The following PRKAR1A variants were observed in gnomAD, a reference collection of about 807,000 sequenced individuals.
The protein encoded by PRKAR1A is protein kinase cAMP-dependent type I regulatory subunit alpha, also known as cAMP-dependent protein kinase type I-alpha regulatory subunit.
A neutral mutation model predicts 52.0 loss-of-function variants in PRKAR1A; 3 were observed. The ratio of observed to expected loss-of-function variants is 0.06; its 90% CI spans 0.03 to 0.15. PRKAR1A has a LOEUF of 0.15. Among genes scored for constraint, PRKAR1A ranks in the 10% least tolerant of loss-of-function variants. The pLI is 1.00. For synonymous variants in PRKAR1A, 188 were observed against 168.4 expected (o/e 1.12, Z -0.90); for missense variants, 240 against 477.4 (o/e 0.50, Z 4.63).
chr17:68,504,657 T>C, the PRKAR1A span, among the ~76,000 whole-genome samples: 1 of 151,902 alleles, frequency 6.6e-6, no homozygotes, highest in Admixed American at 6.6e-5. Context: ...CTGATGGAGA[T>C]AGAGAGCAGA....
At chr17:68,450,994 A>G in the PRKAR1A span, 2 of 1,477,746 alleles carry the variant, frequency 1.4e-6, no homozygotes, top group Non-Finnish European at 1.8e-6. Context: ...CCAGGTTCCA[A>G]AGGTTCTCCG....
Position 68,523,718 on chromosome 17 carries a change from T to TG in PRKAR1A, c.349-7_349-6insG. The stretch of plus-strand genomic sequence containing the variant: ...GAATTGTCATTTGACCTTCAGTTCT[T>TG]TTCTAGGTTATACCAAAAGATTACA... On this transcript the variant is annotated splice_region_variant and splice_polypyrimidine_tract_variant and intron_variant, in intron 3 of 10. Transcript: ENST00000589228. 1 of 1,610,700 alleles carries TG rather than the reference T, an allele frequency of 6.2e-7. No homozygotes were observed. Among genetic ancestry groups the TG allele is most frequent in the Non-Finnish European group, 8.5e-7 (1 of 1,177,706 alleles).
At chr17:68,429,079 C>T in the PRKAR1A span, 1 of 627,562 alleles carries the variant, frequency 1.6e-6, no homozygotes, top group Non-Finnish European at 2.8e-6. Flanking sequence ...GTCTGGGCTT[C>T]TGGCTATTCC....
At chr17:68,496,138 GT>G in the PRKAR1A span, among the ~76,000 whole-genome samples, 1 of 137,414 alleles carries the variant, frequency 7.3e-6, no homozygotes, top group African/African-American at 2.8e-5. Context: ...GCCTCCCGGG[GT>G]CAAGCAATTC....
the PRKAR1A span, among the ~76,000 whole-genome samples, chr17:68,482,758 C>A: frequency 6.6e-6 from 1 of 152,188 alleles, no homozygotes; most frequent in African/African-American, 2.4e-5. Flanking sequence ...TAAGGTCAAT[C>A]GGTGGACAAA....
At chr17:68,486,497 C>CTTT in the PRKAR1A span, among the ~76,000 whole-genome samples, 6 of 42,526 alleles carry the variant, frequency 1.4e-4, no homozygotes, top group East Asian at 8.3e-4. Flanking sequence ...TTCCTTCCTT[C>CTTT]CTTCCTTCCT....
chr17:68,488,130 G>A, the PRKAR1A span, among the ~76,000 whole-genome samples: 1 of 152,088 alleles, frequency 6.6e-6, no homozygotes, highest in Non-Finnish European at 1.5e-5. Context: ...ACCCAAGGAA[G>A]TGGGGCAGTG....
chr17:68,534,304 T>C (rs75581067), downstream of PRKAR1A, among the ~76,000 whole-genome samples: 1 of 152,182 alleles, frequency 6.6e-6, no homozygotes, highest in Non-Finnish European at 1.5e-5. Context: ...GATGGTGGGC[T>C]TTTTTTAATC....
At chr17:68,541,209 G>A in intron 11 of PRKAR1A, 1 of 492,422 alleles carries the variant, frequency 2.0e-6, no homozygotes, top group South Asian at 2.0e-5. Context: ...GTGCCAGAGG[G>A]GAGAGGCCGG....
the PRKAR1A span, among the ~76,000 whole-genome samples, chr17:68,478,728 GTTTTGT>G: frequency 1.1e-5 from 1 of 91,830 alleles, no homozygotes; most frequent in Non-Finnish European, 2.2e-5. Flanking sequence ...ATGTTGGACA[GTTTTGT>G]TTTTTTTTTT....
rs144560276 is a variant in PRKAR1A at position 68,533,293 on chromosome 17, A to C, written c.*2844A>C. The stretch of plus-strand genomic sequence containing the variant: ...TTCTTCACATCCAGTGAAATTGGAG[A>C]TATGTTGTATGTTAGAAGAGCATTC... On this transcript the variant is annotated 3_prime_UTR_variant, in exon 11 of 11. Transcript: ENST00000589228. 1,407 of 1,064,062 alleles carry C rather than the reference A, an allele frequency of 1.3e-3. No individual in the cohort carries two copies. Among genetic ancestry groups the C allele is most frequent in the Middle Eastern group, 4.2e-3 (10 of 2,382 alleles). 65.9% of individuals were successfully genotyped at this position (1,064,062 alleles called of 1,614,324 possible).
the PRKAR1A span, among the ~76,000 whole-genome samples, chr17:68,502,677 G>GCCTCAA: frequency 2.0e-5 from 3 of 151,556 alleles, no homozygotes; most frequent in South Asian, 6.3e-4. Context: ...GCTTGAACCT[G>GCCTCAA]GGAGGTGGAG....
At chr17:68,521,579 T>G (rs1190743490) in intron 2 of PRKAR1A, among the ~76,000 whole-genome samples, 1 of 152,246 alleles carries the variant, frequency 6.6e-6, no homozygotes, top group African/African-American at 2.4e-5. Context: ...TTTATACCTG[T>G]GTTAATATGA....
At chr17:68,518,279 G>T (rs1202235526) in intron 2 of PRKAR1A, among the ~76,000 whole-genome samples, 2 of 152,202 alleles carry the variant, frequency 1.3e-5, no homozygotes, top group African/African-American at 4.8e-5. Flanking sequence ...GGGACTCGGT[G>T]TGGGGGCTCC....
At chr17:68,454,976 T>A in the PRKAR1A span, among the ~76,000 whole-genome samples, 2 of 152,200 alleles carry the variant, frequency 1.3e-5, no homozygotes, top group Admixed American at 1.3e-4. Flanking sequence ...CCTTATTTCA[T>A]CCATAAAGTC....
the PRKAR1A span, among the ~76,000 whole-genome samples, chr17:68,502,179 G>C: frequency 3.3e-5 from 5 of 151,898 alleles, no homozygotes; most frequent in African/African-American, 1.2e-4. Context: ...AAAAGATAAA[G>C]TGTGCACTTG....
the PRKAR1A span, among the ~76,000 whole-genome samples, chr17:68,466,329 T>G: frequency 6.6e-6 from 1 of 151,948 alleles, no homozygotes; most frequent in Non-Finnish European, 1.5e-5. Flanking sequence ...TGGAGTCCAC[T>G]GTAACAACAC....
At position 68,528,962 on chromosome 17, in the gene PRKAR1A, C is replaced by G. The variant is rs1413778575; in HGVS notation, c.862C>G (p.Pro288Ala). The change falls in exon 9 of 11, where the codon CCA becomes GCA. Residue 288 changes from proline (P) to alanine (A), a missense_variant. Physicochemically the swap from Pro to Ala is conservative, Grantham distance 27 (BLOSUM62 -1). Transcript: ENST00000589228. ...GCAGAAGATTGTGGTGCAGGGAGAACCAGGGGATGAGTTCTTCATTATTTT... is the reference window on the plus strand; with the variant it reads ...GCAGAAGATTGTGGTGCAGGGAGAAGCAGGGGATGAGTTCTTCATTATTTT... Reference protein sequence around the residue: ...DGQKIVVQGEPGDEFFIILEG... With the variant: ...DGQKIVVQGEAGDEFFIILEG... The G allele has an allele frequency of 6.2e-7, 1 of 1,613,764 alleles. No individual in the cohort carries two copies. Among genetic ancestry groups the G allele is most frequent in the Non-Finnish European group, 8.5e-7 (1 of 1,179,860 alleles).
chr17:68,536,168 C>T (rs1261763971), downstream of PRKAR1A: 5 of 454,004 alleles, frequency 1.1e-5, no homozygotes, highest in Admixed American at 2.3e-5. Flanking sequence ...TATCTTTGCT[C>T]ACACTGCAGA....
Sources: allele counts gnomAD v4.1 joint callset (sites outside exome capture counted in the v4.1 genomes callset), GRCh38; gene constraint gnomAD v4.1.1; transcripts MANE v1.5; gene names NCBI Gene and HGNC (gene_info 2026-07-23, HGNC 2026-07-21).